Variants in ATP10A observed in about 807,000 individuals in gnomAD.
The protein encoded by ATP10A is ATPase phospholipid transporting 10A (putative).
Under a neutral mutation model 147.8 loss-of-function variants are expected in ATP10A, and 111 were observed. That is an observed-to-expected ratio of 0.75 (90% CI 0.64 to 0.88). The LOEUF is 0.88. Among genes scored for constraint, ATP10A ranks in the 40% least tolerant of loss-of-function variants. The probability of loss-of-function intolerance (pLI) is 0.00; values close to 1 mark genes in which losing one functional copy is unlikely to be tolerated. For synonymous variants in ATP10A, 875 were observed against 841.6 expected (o/e 1.04, Z -0.69); for missense variants, 1,927 against 1,959.0 (o/e 0.98, Z 0.31).
chr15:25,713,583 A>G (rs1401895825), intron 10 of ATP10A, 91 bp downstream of exon 10: 2 of 1,268,152 alleles, frequency 1.6e-6, no homozygotes, highest in African/African-American at 3.0e-5. Context: ...ATTAATGAAA[A>G]TCACTTTACT....
At chr15:25,770,389 C>T (rs910200929) in intron 2 of ATP10A, among the ~76,000 whole-genome samples, 1 of 152,206 alleles carries the variant, frequency 6.6e-6, no homozygotes, top group Non-Finnish European at 1.5e-5. Context: ...CAGAACCTGG[C>T]CCACCACTCA....
At chr15:25,801,630 A>G (rs573616978) in intron 1 of ATP10A, among the ~76,000 whole-genome samples, 6 of 152,294 alleles carry the variant, frequency 3.9e-5, no homozygotes, top group African/African-American at 1.4e-4. Context: ...ACAGTGGTTT[A>G]ATCCGGTGTG....
chr15:25,780,963 T>C, intron 2 of ATP10A, 56 bp downstream of exon 2: 1 of 1,569,990 alleles, frequency 6.4e-7, no homozygotes, highest in Non-Finnish European at 8.7e-7. Flanking sequence ...AAGGCTGTCA[T>C]GGGGACACTG....
intron 1 of ATP10A, among the ~76,000 whole-genome samples, chr15:25,817,196 C>T (rs2140835298): frequency 6.6e-6 from 1 of 152,322 alleles, no homozygotes; most frequent in Admixed American, 6.5e-5. Context: ...AGTTCTCCTG[C>T]CTCAGCCTCC....
chr15:25,736,523 CT>C (rs1439344395), intron 2 of ATP10A, among the ~76,000 whole-genome samples: 1 of 152,150 alleles, frequency 6.6e-6, no homozygotes, highest in Non-Finnish European at 1.5e-5. Flanking sequence ...CAAATTCCAC[CT>C]GGAAAACAGG....
intron 14 of ATP10A, 110 bp downstream of exon 14, chr15:25,694,709 A>G: frequency 2.0e-6 from 2 of 1,019,542 alleles, no homozygotes; most frequent in South Asian, 1.7e-5. Flanking sequence ...GATTTTACAC[A>G]CAGAAAGAAA....
downstream of ATP10A, among the ~76,000 whole-genome samples, chr15:25,675,830 C>T (rs912788059): frequency 3.9e-5 from 6 of 152,048 alleles, no homozygotes; most frequent in Non-Finnish European, 8.8e-5. Context: ...CCTATAGTCC[C>T]AGCTACTTGG....
rs143096707 is a variant in ATP10A at position 25,759,894 on chromosome 15, T to C, written c.654+21125A>G. Among the ~76,000 whole-genome samples, 428 of 152,282 alleles carry C rather than the reference T, an allele frequency of 2.8e-3. 1 individual carries two copies. Among genetic ancestry groups the C allele is most frequent in the Middle Eastern group, 6.8e-3 (2 of 292 alleles). ...TATGTTTAATCAAGATAATTTCTTG[T>C]GCTTTGTATCTTTGAAATCTTCTGT... On this transcript the variant is annotated intron_variant, in intron 2 of 20. Coordinates refer to ENST00000555815, the MANE Select transcript of ATP10A (RefSeq NM_024490.4).
chr15:25,845,991 C>A (rs928618382), intron 1 of ATP10A, among the ~76,000 whole-genome samples: 5 of 152,154 alleles, frequency 3.3e-5, no homozygotes, highest in African/African-American at 1.2e-4. Context: ...AAAGGAGGCT[C>A]TGGCACATGC....
At chr15:25,821,407 A>C (rs200904342) in intron 1 of ATP10A, among the ~76,000 whole-genome samples, 52,568 of 151,716 alleles carry the variant, frequency 0.35, 10,407 homozygotes, top group African/African-American at 0.54. Context: ...AACAAAAAAA[A>C]AAACAAACAA....
chr15:25,702,550 G>A (rs1900731427), intron 12 of ATP10A, among the ~76,000 whole-genome samples: 1 of 152,172 alleles, frequency 6.6e-6, no homozygotes, highest in Admixed American at 6.5e-5. Flanking sequence ...AATTCAGAAT[G>A]TCCAGTCTCA....
In ATP10A at chr15:25,739,068, CTTTTTAT is replaced by C. The variant is rs1162770697; in HGVS notation, c.655-2934_655-2928del. Among the ~76,000 whole-genome samples, 50 of 152,198 alleles carry C rather than the reference CTTTTTAT, an allele frequency of 3.3e-4. 1 individual carries two copies. Among genetic ancestry groups the C allele is most frequent in the Non-Finnish European group, 2.9e-5 (2 of 68,006 alleles). ...GAAACGTCCCCCAAAATTTAAATTGCTTTTTATTTTTTATTTTTGAGACAGAGTTCTG... is the reference window on the plus strand; with the variant it reads ...GAAACGTCCCCCAAAATTTAAATTGCTTTTTATTTTTGAGACAGAGTTCTG... On this transcript the variant is annotated intron_variant, in intron 2 of 20. Coordinates refer to ENST00000555815, the MANE Select transcript of ATP10A (RefSeq NM_024490.4).
chr15:25,682,583 A>G (rs1899482796), intron 17 of ATP10A, among the ~76,000 whole-genome samples: 2 of 151,958 alleles, frequency 1.3e-5, no homozygotes, highest in Admixed American at 6.6e-5. Context: ...AAGGATGGGA[A>G]CTCCCCTGAA....
At chr15:25,702,135 T>C (rs751642536) in intron 12 of ATP10A, 35 bp from the exon 13 acceptor site, 1 of 1,577,240 alleles carries the variant, frequency 6.3e-7, no homozygotes, top group Admixed American at 1.8e-5. Flanking sequence ...GCGAACCCGC[T>C]TCTCACGTGC....
intron 1 of ATP10A, among the ~76,000 whole-genome samples, chr15:25,853,243 C>G (rs910379857): frequency 6.6e-6 from 1 of 152,198 alleles, no homozygotes; most frequent in East Asian, 1.9e-4. Flanking sequence ...GCTCTTCATG[C>G]TTCCTGTAAG....
intron 13 of ATP10A, among the ~76,000 whole-genome samples, chr15:25,698,973 AT>A (rs536048412): frequency 1.6e-3 from 250 of 152,318 alleles, no homozygotes; most frequent in African/African-American, 5.4e-3. Context: ...GAGATATACC[AT>A]GTTTACAGAG....
At chr15:25,781,350 A>C (rs1044858785) in intron 1 of ATP10A, 127 bp from the exon 2 acceptor site, 2 of 808,476 alleles carry the variant, frequency 2.5e-6, no homozygotes, top group African/African-American at 3.4e-5. Context: ...TTTGATAATA[A>C]ACAGGTGTTT....
At chr15:25,715,359 G>C (rs1477243781) in intron 9 of ATP10A, among the ~76,000 whole-genome samples, 1 of 152,226 alleles carries the variant, frequency 6.6e-6, no homozygotes, top group Non-Finnish European at 1.5e-5. Flanking sequence ...TGTGGGAATA[G>C]AAATGCACCC....
intron 12 of ATP10A, among the ~76,000 whole-genome samples, chr15:25,702,519 T>G (rs1417430281): frequency 6.6e-6 from 1 of 152,148 alleles, no homozygotes; most frequent in African/African-American, 2.4e-5. Flanking sequence ...GCCCATCCCA[T>G]AGAAAGCTTC....
Sources: allele counts gnomAD v4.1 joint callset (sites outside exome capture counted in the v4.1 genomes callset), GRCh38; gene constraint gnomAD v4.1.1; transcripts MANE v1.5; gene names NCBI Gene and HGNC (gene_info 2026-07-23, HGNC 2026-07-21).